The following CCDC30 variants were observed in gnomAD, a reference collection of about 807,000 sequenced individuals.
CCDC30 encodes the protein coiled-coil domain-containing protein 30.
Under a neutral mutation model 100.2 loss-of-function variants are expected in CCDC30, and 70 were observed. The ratio of observed to expected loss-of-function variants is 0.70; its 90% CI spans 0.58 to 0.85. CCDC30 has a LOEUF of 0.85. Among genes scored for constraint, CCDC30 ranks in the 40% least tolerant of loss-of-function variants. CCDC30 has a pLI of 0.00. For synonymous variants in CCDC30, 233 were observed against 269.5 expected, an observed-to-expected ratio of 0.86 and a Z score of 1.33; for missense variants, 652 against 771.2, an observed-to-expected ratio of 0.85 and a Z score of 1.83.
chr1:42,598,466 G>C (rs1015449018), intron 10 of CCDC30, among the ~76,000 whole-genome samples: 3 of 151,992 alleles, frequency 2.0e-5, no homozygotes, highest in African/African-American at 7.3e-5. Context: ...GAATTTTTGA[G>C]CCCAGAAGGT....
intron 9 of CCDC30, among the ~76,000 whole-genome samples, chr1:42,587,853 A>T (rs1570160145): frequency 2.0e-5 from 3 of 152,292 alleles, no homozygotes; most frequent in Middle Eastern, 6.8e-3. Context: ...TTATTCTATT[A>T]CTGAAATACC....
chr1:42,563,077 A>G (rs1156761988), intron 6 of CCDC30, among the ~76,000 whole-genome samples: 6 of 152,180 alleles, frequency 3.9e-5, no homozygotes, highest in African/African-American at 1.4e-4. Context: ...CCAGAAATAC[A>G]GTTTGACCCA....
intron 12 of CCDC30, among the ~76,000 whole-genome samples, chr1:42,637,829 A>T (rs1281781951): frequency 6.6e-6 from 1 of 152,114 alleles, no homozygotes; most frequent in East Asian, 1.9e-4. Flanking sequence ...TGCCCTTGTG[A>T]CTTAGTGGTG....
intron 9 of CCDC30, among the ~76,000 whole-genome samples, chr1:42,584,297 A>C (rs1341038121): frequency 6.6e-6 from 1 of 152,180 alleles, no homozygotes; most frequent in African/African-American, 2.4e-5. Flanking sequence ...AATTCTATTT[A>C]GTTTAAATTA....
intron 6 of CCDC30, among the ~76,000 whole-genome samples, chr1:42,559,530 A>T (rs545618637): frequency 1.3e-5 from 2 of 152,354 alleles, no homozygotes; most frequent in South Asian, 2.1e-4. Flanking sequence ...ACCAACGAAG[A>T]TCAAAAAAGA....
intron 15 of CCDC30, among the ~76,000 whole-genome samples, chr1:42,648,433 G>A (rs1648066771): frequency 6.6e-6 from 1 of 152,128 alleles, no homozygotes. Context: ...CACTTTGGGA[G>A]GCCAAGGCAG....
chr1:42,465,273 T>C (rs897725911), intron 1 of CCDC30, among the ~76,000 whole-genome samples: 1 of 152,192 alleles, frequency 6.6e-6, no homozygotes, highest in Non-Finnish European at 1.5e-5. Context: ...ATCGCACCAC[T>C]GCGCTCCAAC....
chr1:42,520,997 G>A (rs1446129037), intron 6 of CCDC30, among the ~76,000 whole-genome samples: 19 of 130,402 alleles, frequency 1.5e-4, no homozygotes, highest in South Asian at 1.2e-3. Flanking sequence ...TTTTTGAGAC[G>A]GAGTCTCGCT....
chr1:42,567,344 G>A (rs1467223895), intron 7 of CCDC30, among the ~76,000 whole-genome samples: 1 of 152,160 alleles, frequency 6.6e-6, no homozygotes, highest in African/African-American at 2.4e-5. Flanking sequence ...GACCCACAAA[G>A]TCTAAAATAT....
chr1:42,653,377 AAAC>A (rs1396661814), exon 16 of CCDC30: 5 of 1,593,658 alleles, frequency 3.1e-6, no homozygotes, highest in African/African-American at 1.3e-5. Flanking sequence ...TCCTTTTAGG[AAAC>A]AACAATTAGT....
intron 11 of CCDC30, among the ~76,000 whole-genome samples, chr1:42,622,474 A>G (rs1646857764): frequency 6.6e-6 from 1 of 152,200 alleles, no homozygotes; most frequent in Admixed American, 6.5e-5. Context: ...TTGCTCAAAT[A>G]TATGATAGCT....
chr1:42,492,336 TC>T, intron 4 of CCDC30: 1 of 202,830 alleles, frequency 4.9e-6, no homozygotes, highest in Non-Finnish European at 1.0e-5. Context: ...ATTTATCTTC[TC>T]CATGATGTCT....
intron 14 of CCDC30, among the ~76,000 whole-genome samples, chr1:42,645,628 C>G (rs1647818443): frequency 6.6e-6 from 1 of 151,992 alleles, no homozygotes; most frequent in African/African-American, 2.4e-5. Context: ...CTTGTTTGGT[C>G]TCAGAGAGGT....
At chr1:42,506,836 G>C (rs763946128) in intron 6 of CCDC30, among the ~76,000 whole-genome samples, 5 of 152,182 alleles carry the variant, frequency 3.3e-5, no homozygotes, top group African/African-American at 4.8e-5. Flanking sequence ...TTGCCAAAAT[G>C]ATAAGTCAAA....
the CCDC30 span, chr1:42,457,160 A>G: frequency 6.3e-7 from 1 of 1,597,330 alleles, no homozygotes; most frequent in South Asian, 1.1e-5. Flanking sequence ...TTACCCACGG[A>G]TCTCAGCTGG....
chr1:42,572,761 C>T (rs1004561672), intron 7 of CCDC30, among the ~76,000 whole-genome samples: 1 of 152,110 alleles, frequency 6.6e-6, no homozygotes, highest in Admixed American at 6.5e-5. Context: ...GGATTACAGG[C>T]ACACACCACC....
intron 10 of CCDC30, among the ~76,000 whole-genome samples, chr1:42,607,674 G>A (rs1268765352): frequency 6.6e-6 from 1 of 151,790 alleles, no homozygotes; most frequent in African/African-American, 2.4e-5. Flanking sequence ...AAATCACAAA[G>A]GACATGTATT....
At chr1:42,568,361 C>T (rs1014386561) in intron 7 of CCDC30, among the ~76,000 whole-genome samples, 4 of 152,116 alleles carry the variant, frequency 2.6e-5, no homozygotes, top group East Asian at 3.9e-4. Context: ...GTGATCCTTC[C>T]GGCTTAGCTT....
intron 14 of CCDC30, among the ~76,000 whole-genome samples, chr1:42,645,102 C>A (rs1647781157): frequency 6.6e-6 from 1 of 152,112 alleles, no homozygotes; most frequent in Non-Finnish European, 1.5e-5. Context: ...TCTCCTCTAT[C>A]TCATTAACTC....
Sources: allele counts gnomAD v4.1 joint callset (sites outside exome capture counted in the v4.1 genomes callset), GRCh38; gene constraint gnomAD v4.1.1; transcripts MANE v1.5; gene names NCBI Gene and HGNC (gene_info 2026-07-23, HGNC 2026-07-21).